Variants in HEATR5A observed in about 807,000 individuals in gnomAD.
HEATR5A encodes the protein HEAT repeat containing 5A, also known as HEAT repeat-containing protein 5A.
Under a neutral mutation model 218.8 loss-of-function variants are expected in HEATR5A, and 178 were observed. The ratio of observed to expected loss-of-function variants is 0.81; its 90% confidence interval spans 0.72 to 0.92. The LOEUF (loss-of-function observed/expected upper bound fraction) is 0.92, where lower values mean the gene tolerates loss of function less well. Ranked by LOEUF, HEATR5A falls within the 40% of genes least tolerant of loss-of-function variation. The pLI is 0.00. For synonymous variants in HEATR5A, 864 were observed against 871.6 expected (o/e 0.99, Z 0.15); for missense variants, 2,420 against 2,418.9 (o/e 1.00, Z -0.01).
At chr14:31,410,308 C>A (rs956920492) in intron 1 of HEATR5A, among the ~76,000 whole-genome samples, 1 of 152,066 alleles carries the variant, frequency 6.6e-6, no homozygotes, top group Admixed American at 6.6e-5. Context: ...ACAAAAAAAA[C>A]CCCAACTGTC....
intron 33 of HEATR5A, among the ~76,000 whole-genome samples, chr14:31,299,583 C>T (rs903419329): frequency 2.6e-5 from 4 of 151,516 alleles, no homozygotes; most frequent in Admixed American, 6.6e-5. Context: ...ATTAGCCAGG[C>T]GTGGTGGCAC....
chr14:31,321,504 C>A lies in HEATR5A; in HGVS notation c.3964G>T (p.Ala1322Ser). Reference protein sequence around the residue: ...PGHVILEQYQANVGAALRPAF... With the variant: ...PGHVILEQYQSNVGAALRPAF... ...CTCTAAAAGAAAGTGCTTACATTGG[C>A]TTGATACTGTTCCAGAATCACATGA... Residue 1322 changes from alanine (A) to serine (S), a missense_variant, in exon 25 of 36, where the codon GCC becomes TCC. By Grantham distance (99) the Ala-to-Ser change is moderately conservative. Coordinates refer to ENST00000543095, the MANE Select transcript of HEATR5A (RefSeq NM_015473.4). 6.3e-7 allele frequency: 1 copy of A among 1,587,668 alleles called. No individual in the cohort carries two copies. Among genetic ancestry groups the A allele is most frequent in the Non-Finnish European group, 8.6e-7 (1 of 1,166,060 alleles).
intron 22 of HEATR5A, among the ~76,000 whole-genome samples, chr14:31,336,585 TA>T (rs11397751): frequency 6.6e-6 from 1 of 151,938 alleles, no homozygotes; most frequent in Non-Finnish European, 1.5e-5. Flanking sequence ...GATATACACT[TA>T]AATCTTACTG....
At position 31,364,253 on chromosome 14, in the gene HEATR5A, C is replaced by T. The variant is rs368169379; in HGVS notation, c.2007G>A (p.Pro669=). 1.9e-5 allele frequency: 29 copies of T among 1,553,120 alleles called. No individual in the cohort carries two copies. In the East Asian group the frequency reaches 1.9e-4, roughly 10 times the overall value. Residue 669 remains proline (P), a synonymous_variant, in exon 14 of 36, where the codon CCG becomes CCA. Coordinates refer to ENST00000543095, the MANE Select transcript of HEATR5A (RefSeq NM_015473.4). ...AAAGTCTTTGTCTATAAACCACTGA[C>T]GGTGTTTTCAAAGGACTTCCATACA... is the stretch of plus-strand genomic sequence containing the variant. ...LKMYGSPLKT[P]SVVYRQRLYE...
At chr14:31,341,891 A>G (rs1320537763) in intron 21 of HEATR5A, among the ~76,000 whole-genome samples, 1 of 152,218 alleles carries the variant, frequency 6.6e-6, no homozygotes, top group Non-Finnish European at 1.5e-5. Flanking sequence ...ATCAAATGCA[A>G]AGGAGTGAAA....
chr14:31,320,397 C>CCA, intron 25 of HEATR5A: 1 of 1,070,820 alleles, frequency 9.3e-7, no homozygotes, highest in Non-Finnish European at 1.4e-6. Context: ...CCTGAATCAG[C>CCA]CACACCAACT....
chr14:31,385,997 G>A (rs34709766), intron 9 of HEATR5A, among the ~76,000 whole-genome samples: 53,244 of 152,118 alleles, frequency 0.35, 10,403 homozygotes, highest in Non-Finnish European at 0.43. Flanking sequence ...CAAAGTGCTG[G>A]ATTATATGCA....
At position 31,394,138 on chromosome 14, in the gene HEATR5A, C is replaced by T. The variant is rs2030558794; in HGVS notation, c.686G>A (p.Gly229Asp). 2 of 1,534,728 alleles carry T rather than the reference C, an allele frequency of 1.3e-6. No homozygotes were observed. The highest frequency in any genetic ancestry group is 1.7e-6 in the Non-Finnish European group (2 of 1,145,626). Residue 229 changes from glycine to aspartate, a missense_variant, in exon 6 of 36, where the codon GGT (glycine) becomes GAT (aspartate). Transcript: ENST00000543095. ...AGAAATCCGCACATCATAATTGGAACCTTCAAAGGACTTAAAACACAGTGT... is the reference window on the plus strand; with the variant it reads ...AGAAATCCGCACATCATAATTGGAATCTTCAAAGGACTTAAAACACAGTGT... ...VATLCFKSFE[G>D]SNYDVRISVS...
chr14:31,333,503 C>T (rs746811028), intron 22 of HEATR5A, among the ~76,000 whole-genome samples: 21 of 152,062 alleles, frequency 1.4e-4, no homozygotes, highest in Non-Finnish European at 2.9e-4. Flanking sequence ...CCACCCACCT[C>T]GGCCTTCCAA....
chr14:31,375,498 C>T (rs897292605), intron 11 of HEATR5A, among the ~76,000 whole-genome samples: 3 of 152,090 alleles, frequency 2.0e-5, no homozygotes, highest in Non-Finnish European at 2.9e-5. Flanking sequence ...CCCCCCTGAG[C>T]TTAAGTGATC....
chr14:31,419,053 T>C (rs2031552864), intron 1 of HEATR5A, among the ~76,000 whole-genome samples: 1 of 152,154 alleles, frequency 6.6e-6, no homozygotes, highest in South Asian at 2.1e-4. Flanking sequence ...TCAGATACAA[T>C]AATGAATAAT....
intron 3 of HEATR5A, among the ~76,000 whole-genome samples, 165 bp from the exon 4 acceptor site, chr14:31,398,946 T>C (rs1160471373): frequency 1.3e-5 from 2 of 152,116 alleles, no homozygotes; most frequent in African/African-American, 4.8e-5. Flanking sequence ...TGTGATGAAG[T>C]CTCATCTATT....
chr14:31,405,433 T>C (rs546965950), intron 1 of HEATR5A, among the ~76,000 whole-genome samples: 1 of 152,208 alleles, frequency 6.6e-6, no homozygotes, highest in South Asian at 2.1e-4. Context: ...GACTCTGTCT[T>C]GAACAACAAC....
chr14:31,318,313 A>T, intron 25 of HEATR5A, 21 bp from the exon 26 acceptor site: 1 of 1,596,998 alleles, frequency 6.3e-7, no homozygotes, highest in Non-Finnish European at 8.6e-7. Flanking sequence ...ATTACATGAC[A>T]TATCAAACAT....
Position 31,293,448 on chromosome 14 carries a change from C to A in HEATR5A, c.5998G>T (p.Ala2000Ser). 5.0e-6 allele frequency: 8 copies of A among 1,613,916 alleles called. No individual in the cohort carries two copies. Among genetic ancestry groups the A allele is most frequent in the Non-Finnish European group, 6.8e-6 (8 of 1,179,866 alleles). The change falls in exon 36 of 36, where the codon GCT becomes TCT. Residue 2000 changes from alanine to serine, a missense_variant. Physicochemically the swap from Ala to Ser is moderately conservative, Grantham distance 99 (BLOSUM62 1). Transcript: ENST00000543095. ...QYSSVFKSLV[A>S]SSPALKARLE... Reference sequence around the variant, plus strand: ...CGGGCTTTTAGGGCTGGAGAAGAAGCCACTAAACTTTTAAAAACAGATGAA... The same window carrying A: ...CGGGCTTTTAGGGCTGGAGAAGAAGACACTAAACTTTTAAAAACAGATGAA...
At chr14:31,318,511 G>A (rs777024203) in intron 25 of HEATR5A, among the ~76,000 whole-genome samples, 1 of 151,968 alleles carries the variant, frequency 6.6e-6, no homozygotes, top group Non-Finnish European at 1.5e-5. Context: ...TTTTGAGACG[G>A]AGTCTCGCCC....
At chr14:31,397,916 T>C (rs1174319720) in intron 4 of HEATR5A, among the ~76,000 whole-genome samples, 2 of 152,180 alleles carry the variant, frequency 1.3e-5, no homozygotes, top group Non-Finnish European at 2.9e-5. Context: ...TCCTCTCAAG[T>C]AGCTGAGATC....
chr14:31,401,198 T>C (rs928957937), intron 2 of HEATR5A, among the ~76,000 whole-genome samples: 1 of 152,190 alleles, frequency 6.6e-6, no homozygotes, highest in Non-Finnish European at 1.5e-5. Flanking sequence ...AATCTCATGC[T>C]GAATGGTAAT....
rs1900661481 is a variant in HEATR5A at position 31,336,244 on chromosome 14, A to C, written c.3367+1232T>G. On this transcript the variant is annotated intron_variant, in intron 22 of 35. Coordinates refer to ENST00000543095, the MANE Select transcript of HEATR5A (RefSeq NM_015473.4). ...TATATATATATATATATATATATAT[A>C]TATATATATATATATATATAATTTT... Among the ~76,000 whole-genome samples, 2 of 117,736 alleles carry C rather than the reference A, an allele frequency of 1.7e-5. 1 individual carries two copies. Among genetic ancestry groups the C allele is most frequent in the South Asian group, 4.8e-4 (2 of 4,152 alleles). The allele number at this position is 117,736 out of a possible 152,430, so 77.2% of individuals were successfully genotyped here. A position where few individuals can be genotyped will look rare whatever the true frequency, so the allele number is the denominator to read the frequency against.
Sources: gnomAD v4.1 joint callset for allele counts (sites outside exome capture counted in the v4.1 genomes callset) on GRCh38, gnomAD v4.1.1 for gene constraint, MANE v1.5 for transcripts, NCBI Gene and HGNC (gene_info 2026-07-23, HGNC 2026-07-21) for gene names.